The following RANBP17 variants were observed in gnomAD, a reference collection of about 807,000 sequenced individuals.
The protein encoded by RANBP17 is ran-binding protein 17.
A neutral mutation model predicts 141.2 loss-of-function variants in RANBP17; 158 were observed. That is an observed-to-expected ratio of 1.12 (90% CI 0.98 to 1.28). RANBP17 has a LOEUF of 1.28. Among genes scored for constraint, RANBP17 ranks in the 50% most tolerant of loss-of-function variants. RANBP17 has a pLI of 0.00. For missense variants in RANBP17, 1,438 were observed against 1,290.7 expected (o/e 1.11, Z -1.75); for synonymous variants, 430 against 450.0 (o/e 0.96, Z 0.56).
intron 14 of RANBP17, among the ~76,000 whole-genome samples, chr5:171,146,085 C>T (rs758180513): frequency 6.6e-6 from 1 of 152,188 alleles, no homozygotes; most frequent in Non-Finnish European, 1.5e-5. Flanking sequence ...AGGAGGAATG[C>T]CTTCTTTTCC....
intron 14 of RANBP17, among the ~76,000 whole-genome samples, chr5:171,012,104 ACATT>A (rs1561986314): frequency 6.6e-6 from 1 of 151,670 alleles, no homozygotes; most frequent in Non-Finnish European, 1.5e-5. Flanking sequence ...AACAAATAAT[ACATT>A]TGTTTAAACA....
intron 13 of RANBP17, among the ~76,000 whole-genome samples, chr5:170,964,416 CTTTAAG>C (rs1475749824): frequency 6.6e-6 from 1 of 151,674 alleles, no homozygotes; most frequent in Non-Finnish European, 1.5e-5. Flanking sequence ...TATTATTATA[CTTTAAG>C]TTTTAGGGTA....
At chr5:171,286,794 G>C (rs1208596662) in intron 25 of RANBP17, among the ~76,000 whole-genome samples, 8 of 152,182 alleles carry the variant, frequency 5.3e-5, no homozygotes, top group Non-Finnish European at 1.2e-4. Flanking sequence ...AAATCTGGAA[G>C]CTTTTTCTCT....
chr5:171,018,142 G>C (rs1461316743), intron 14 of RANBP17, among the ~76,000 whole-genome samples: 1 of 152,078 alleles, frequency 6.6e-6, no homozygotes, highest in African/African-American at 2.4e-5. Context: ...GTACCATGTT[G>C]TTTTGGTTAC....
chr5:171,208,556 C>T (rs1262164696), intron 20 of RANBP17, among the ~76,000 whole-genome samples: 1 of 152,174 alleles, frequency 6.6e-6, no homozygotes, highest in Non-Finnish European at 1.5e-5. Flanking sequence ...ACATTATTTC[C>T]TCATATGCAG....
intron 16 of RANBP17, among the ~76,000 whole-genome samples, chr5:171,174,864 A>C (rs759703466): frequency 1.3e-5 from 2 of 151,562 alleles, no homozygotes; most frequent in African/African-American, 2.4e-5. Context: ...GGTTTGTTAC[A>C]TAGGTACACG....
At chr5:171,236,764 A>T (rs1018175726) in intron 22 of RANBP17, among the ~76,000 whole-genome samples, 2 of 152,168 alleles carry the variant, frequency 1.3e-5, no homozygotes, top group African/African-American at 4.8e-5. Flanking sequence ...AGGTGTTATT[A>T]TCCTCATTTT....
chr5:171,159,383 C>T (rs565837999), intron 14 of RANBP17, among the ~76,000 whole-genome samples: 32 of 152,214 alleles, frequency 2.1e-4, no homozygotes, highest in African/African-American at 6.3e-4. Context: ...AGTCCTGGCT[C>T]GCCATCAGTC....
intron 14 of RANBP17, among the ~76,000 whole-genome samples, chr5:171,024,867 A>G (rs1408712613): frequency 6.6e-6 from 1 of 152,014 alleles, no homozygotes; most frequent in Non-Finnish European, 1.5e-5. Flanking sequence ...TGACTTCCAA[A>G]TACATATCTC....
intron 14 of RANBP17, among the ~76,000 whole-genome samples, chr5:171,106,846 G>A (rs1200866203): frequency 1.3e-5 from 2 of 151,978 alleles, no homozygotes; most frequent in African/African-American, 4.8e-5. Context: ...GCTAATCACT[G>A]ACACTTGGTA....
At chr5:171,033,553 A>G (rs976196457) in intron 14 of RANBP17, among the ~76,000 whole-genome samples, 3 of 152,096 alleles carry the variant, frequency 2.0e-5, no homozygotes, top group Non-Finnish European at 2.9e-5. Flanking sequence ...CTAAAAATTT[A>G]TATGTAAAGT....
intron 14 of RANBP17, among the ~76,000 whole-genome samples, chr5:171,097,605 CTTTTTATTATTA>C (rs1030090014): frequency 7.2e-6 from 1 of 138,854 alleles, no homozygotes; most frequent in African/African-American, 2.8e-5. Flanking sequence ...TGTATGTAGT[CTTTTTATTATTA>C]TTATTATTAT....
At chr5:171,181,768 A>G (rs1379940853) in intron 16 of RANBP17, among the ~76,000 whole-genome samples, 2 of 152,220 alleles carry the variant, frequency 1.3e-5, no homozygotes, top group African/African-American at 4.8e-5. Context: ...TGTGCTACCT[A>G]TCTCATGGAA....
chr5:171,208,690 A>G (rs1377645523), intron 20 of RANBP17, among the ~76,000 whole-genome samples: 1 of 152,234 alleles, frequency 6.6e-6, no homozygotes, highest in African/African-American at 2.4e-5. Flanking sequence ...GGAATAGGAC[A>G]GTCCTAGATT....
At chr5:170,996,993 C>T (rs894363485) in intron 14 of RANBP17, among the ~76,000 whole-genome samples, 10 of 152,104 alleles carry the variant, frequency 6.6e-5, no homozygotes, top group African/African-American at 2.4e-4. Flanking sequence ...CATTTTGAAT[C>T]ATAATCGTCA....
intron 1 of RANBP17, among the ~76,000 whole-genome samples, chr5:170,872,883 G>C (rs1005752291): frequency 1.3e-5 from 2 of 152,014 alleles, no homozygotes; most frequent in Admixed American, 1.3e-4. Flanking sequence ...GGATGAAGTC[G>C]ACTTGATTGT....
chr5:170,886,639 C>T (rs1325628025), intron 3 of RANBP17, among the ~76,000 whole-genome samples: 4 of 140,140 alleles, frequency 2.9e-5, no homozygotes, highest in Admixed American at 7.3e-5. Flanking sequence ...CTACACCATT[C>T]ATTTGAGGTG....
intron 14 of RANBP17, among the ~76,000 whole-genome samples, chr5:170,972,709 G>T (rs1259274207): frequency 6.6e-6 from 1 of 152,066 alleles, no homozygotes; most frequent in Non-Finnish European, 1.5e-5. Flanking sequence ...GTTTTGTGAA[G>T]ATAAATAGTA....
chr5:171,153,025 T>C (rs946874679), intron 14 of RANBP17, among the ~76,000 whole-genome samples: 3 of 152,216 alleles, frequency 2.0e-5, no homozygotes, highest in Non-Finnish European at 4.4e-5. Flanking sequence ...TCTGTGTCCT[T>C]ATTTTCTTAG....
Sources: gnomAD v4.1 joint callset for allele counts (sites outside exome capture counted in the v4.1 genomes callset) on GRCh38, gnomAD v4.1.1 for gene constraint, MANE v1.5 for transcripts, NCBI Gene and HGNC (gene_info 2026-07-23, HGNC 2026-07-21) for gene names.